Variants in DSC1 observed in about 807,000 individuals in gnomAD.
The protein encoded by DSC1 is desmocollin-1.
Under a neutral mutation model 98.8 loss-of-function variants are expected in DSC1, and 79 were observed. That is an observed-to-expected ratio of 0.80 (90% CI 0.67 to 0.96). DSC1 has a LOEUF of 0.96. DSC1 is among the 50% of genes least tolerant of loss of function. The pLI, the probability that DSC1 is intolerant of heterozygous loss-of-function variation, is 0.00. For synonymous variants in DSC1, 405 were observed against 372.1 expected, an observed-to-expected ratio of 1.09 and a Z score of -1.02; for missense variants, 1,115 against 1,075.9, an observed-to-expected ratio of 1.04 and a Z score of -0.51.
intron 1 of DSC1, 48 bp downstream of exon 1, chr18:31,162,484 G>T: frequency 1.3e-6 from 2 of 1,572,816 alleles, no homozygotes; most frequent in Admixed American, 1.7e-5. Context: ...CAGAGAGGAA[G>T]CAGGTAGTAA....
At position 31,134,788 on chromosome 18, in the gene DSC1, A is replaced by G. The variant is rs1260271753; in HGVS notation, c.1664-4T>C. On this transcript the variant is annotated splice_polypyrimidine_tract_variant and splice_region_variant and intron_variant, in intron 11 of 15. Transcript: ENST00000257198. ...GTTCCAGTGCAAGATCGGCCAACTA[A>G]GATTAATTAAAAATAGGTTATTTCT... The G allele has an allele frequency of 6.2e-7, 1 of 1,601,886 alleles. No individual in the cohort carries two copies. Among genetic ancestry groups the G allele is most frequent in the Non-Finnish European group, 8.5e-7 (1 of 1,170,978 alleles).
chr18:31,146,619 G>C (rs1416482718), intron 6 of DSC1, among the ~76,000 whole-genome samples: 1 of 152,048 alleles, frequency 6.6e-6, no homozygotes, highest in African/African-American at 2.4e-5. Context: ...GGCATTGCTG[G>C]CTCAAATAGT....
chr18:31,140,658 C>T (rs1988715335), intron 9 of DSC1, among the ~76,000 whole-genome samples: 1 of 152,170 alleles, frequency 6.6e-6, no homozygotes, highest in Non-Finnish European at 1.5e-5. Flanking sequence ...AAATTGCCTC[C>T]AAACTAAGTA....
intron 3 of DSC1, 92 bp from the exon 4 acceptor site, chr18:31,156,254 G>C: frequency 6.9e-7 from 1 of 1,457,916 alleles, no homozygotes; most frequent in South Asian, 1.3e-5. Flanking sequence ...GCAGATGTAA[G>C]GGTTACACAT....
chr18:31,148,464 C>A, intron 6 of DSC1, 34 bp downstream of exon 6: 1 of 1,552,254 alleles, frequency 6.4e-7, no homozygotes, highest in Non-Finnish European at 8.8e-7. Flanking sequence ...GTCAAATAGT[C>A]TTCTTGTCAT....
In DSC1 at chr18:31,142,527, A is replaced by G. The variant is rs1185003781; in HGVS notation, c.1075-343T>C. 3.9e-5 allele frequency among the ~76,000 whole-genome samples: 6 copies of G among 152,118 alleles called. No individual in the cohort carries two copies. In the East Asian group the frequency reaches 1.2e-3, roughly 29 times the overall value. On this transcript the variant is annotated intron_variant, in intron 8 of 15. Coordinates refer to ENST00000257198, the MANE Select transcript of DSC1 (RefSeq NM_024421.2). The stretch of plus-strand genomic sequence containing the variant: ...TTTTTACACAGTAAACACTTAATAA[A>G]TGTCTTATGTTAATATATTAAACAC...
chr18:31,135,052 T>C (rs1358716644), intron 11 of DSC1, among the ~76,000 whole-genome samples: 2 of 152,188 alleles, frequency 1.3e-5, no homozygotes, highest in East Asian at 1.9e-4. Flanking sequence ...GAATGACCTG[T>C]TGAAAATAAA....
At chr18:31,148,374 G>C in intron 6 of DSC1, 124 bp downstream of exon 6, 15 of 1,215,652 alleles carry the variant, frequency 1.2e-5, no homozygotes, top group Non-Finnish European at 1.5e-5. Context: ...GAAAAAAAGT[G>C]TATGTAATCA....
At position 31,154,775 on chromosome 18, in the gene DSC1, G is replaced by T. The variant is rs115895313; in HGVS notation, c.626C>A (p.Ala209Glu). Residue 209 changes from alanine (A) to glutamate (E), a missense_variant and splice_region_variant, in exon 5 of 16, where the codon GCG becomes GAG. Physicochemically the swap from Ala to Glu is moderately radical, Grantham distance 107 (BLOSUM62 -1). Transcript: ENST00000257198. ...GAATAAATATTTCAATAATCCTACC[G>T]CAAACTGTTCATATTTCTCACGGTC... ...SIDREKYEQF[A>E]LYGYATTADG... 952 of 1,605,860 alleles carry T rather than the reference G, an allele frequency of 5.9e-4. 2 individuals are homozygous for T. The African/African-American group carries it at 0.012, about 20-fold the overall frequency.
chr18:31,162,305 C>T (rs1816632), intron 1 of DSC1, among the ~76,000 whole-genome samples: 1 of 151,974 alleles, frequency 6.6e-6, no homozygotes, highest in Non-Finnish European at 1.5e-5. Flanking sequence ...CCCTTGAAAA[C>T]TTTTAACACT....
chr18:31,161,857 AG>A (rs2143940227), intron 1 of DSC1, among the ~76,000 whole-genome samples: 1 of 152,274 alleles, frequency 6.6e-6, no homozygotes, highest in Non-Finnish European at 1.5e-5. Flanking sequence ...TTGAAACTCA[AG>A]TATTTTGCTA....
At chr18:31,152,676 G>C (rs1343157819) in intron 5 of DSC1, among the ~76,000 whole-genome samples, 2 of 152,052 alleles carry the variant, frequency 1.3e-5, no homozygotes, top group East Asian at 3.9e-4. Context: ...CATAAACAAA[G>C]AAGAAAGCGA....
At chr18:31,159,576 AAATTTTC>A (rs779267929) in intron 1 of DSC1, 47 bp from the exon 2 acceptor site, 11 of 1,505,386 alleles carry the variant, frequency 7.3e-6, no homozygotes, top group Middle Eastern at 3.7e-4. Context: ...ATTTGATCAC[AAATTTTC>A]ACATTGTAGC....
chr18:31,159,516 A>G lies in DSC1; in HGVS notation c.77T>C (p.Leu26Pro), dbSNP rs1989170658. The G allele has an allele frequency of 6.2e-7, 1 of 1,601,260 alleles. No homozygotes were observed. Among genetic ancestry groups the G allele is most frequent in the Non-Finnish European group, 8.5e-7 (1 of 1,175,744 alleles). ...LLFSLLVLTL[L>P]CDACQKVYLR... ...ATAAACTTTCTGACAAGCATCGCAAAGTAATGTTAAAACCTCAAAAAAAAA... is the reference window on the plus strand; with the variant it reads ...ATAAACTTTCTGACAAGCATCGCAAGGTAATGTTAAAACCTCAAAAAAAAA... The change falls in exon 2 of 16, where the codon CTT becomes CCT. Residue 26 changes from leucine (L) to proline (P), a missense_variant. Transcript: ENST00000257198.
Position 31,162,780 on chromosome 18 carries a change from C to A in DSC1, c.-186G>T. ...AGTAGGAGGAGCAACGGGAGAATTT[C>A]TTTCCCCCTATTCCCTGGCCAGTCT... On this transcript the variant is annotated 5_prime_UTR_variant, in exon 1 of 16. Transcript: ENST00000257198. The A allele has an allele frequency of 1.7e-6, 1 of 584,500 alleles. No homozygotes were observed. The highest frequency in any genetic ancestry group is 3.1e-6 in the Non-Finnish European group (1 of 325,560). The allele number at this position is 584,500 out of a possible 1,614,324, so 36.2% of individuals were successfully genotyped here.
rs2144908650 is a variant in DSC1, at chr18:31,130,368, G to C, written c.*146C>G. ...AGTTATACCAGACAAGGAGAATGTAGGGGAATCTCATATTTATAGTACCCT... is the reference window on the plus strand; with the variant it reads ...AGTTATACCAGACAAGGAGAATGTACGGGAATCTCATATTTATAGTACCCT... On this transcript the variant is annotated 3_prime_UTR_variant, in exon 16 of 16. Coordinates refer to ENST00000257198, the MANE Select transcript of DSC1 (RefSeq NM_024421.2). 1.3e-6 allele frequency: 1 copy of C among 790,810 alleles called. No individual in the cohort carries two copies. Among genetic ancestry groups the C allele is most frequent in the South Asian group, 1.8e-5 (1 of 54,776 alleles). The allele number at this position is 790,810 out of a possible 1,614,324, so 49.0% of individuals were successfully genotyped here.
chr18:31,145,659 G>T lies in DSC1; in HGVS notation c.891C>A (p.His297Gln), dbSNP rs1235683129. 6.2e-7 allele frequency: 1 copy of T among 1,614,134 alleles called. No individual in the cohort carries two copies. The highest frequency in any genetic ancestry group is 1.1e-5 in the South Asian group (1 of 91,080). The change falls in exon 7 of 16, where the codon CAC becomes CAA. Residue 297 changes from histidine to glutamine, a missense_variant. By Grantham distance (24) the His-to-Gln change is conservative. Transcript: ENST00000257198. ...TTGTGGTGATGACACCGGTATCTGG[G>T]TGTATGGAGAAATGCTTTGGATGAT... ...IPDHPKHFSI[H>Q]PDTGVITTTT...
At chr18:31,160,927 A>C (rs1029187641) in intron 1 of DSC1, among the ~76,000 whole-genome samples, 1 of 152,124 alleles carries the variant, frequency 6.6e-6, no homozygotes, top group Non-Finnish European at 1.5e-5. Flanking sequence ...TTACATTCTA[A>C]GAAATGCAAC....
chr18:31,156,256 G>T, intron 3 of DSC1, 94 bp from the exon 4 acceptor site: 1 of 1,441,538 alleles, frequency 6.9e-7, no homozygotes, highest in Non-Finnish European at 9.4e-7. Flanking sequence ...AGATGTAAGG[G>T]TTACACATTA....
Sources: gnomAD v4.1 joint callset for allele counts (sites outside exome capture counted in the v4.1 genomes callset) on GRCh38, gnomAD v4.1.1 for gene constraint, MANE v1.5 for transcripts, NCBI Gene and HGNC (gene_info 2026-07-23, HGNC 2026-07-21) for gene names.